Variants in LPA observed in about 807,000 individuals in gnomAD.
The protein encoded by LPA is apolipoprotein(a).
In LPA, 199 loss-of-function variants were observed where a neutral mutation model predicts 197.9. That is an observed-to-expected ratio of 1.01 (90% CI 0.90 to 1.13). The LOEUF is 1.13. Among genes scored for constraint, LPA ranks in the 50% most tolerant of loss-of-function variants. The pLI is 0.00. For missense variants in LPA, 1,853 were observed against 1,785.8 expected, an observed-to-expected ratio of 1.04 and a Z score of -0.68; for synonymous variants, 715 against 639.5, an observed-to-expected ratio of 1.12 and a Z score of -1.78.
intron 28 of LPA, among the ~76,000 whole-genome samples, chr6:160,566,338 A>C (rs1046906981): frequency 1.3e-5 from 2 of 152,222 alleles, no homozygotes; most frequent in Non-Finnish European, 2.9e-5. Flanking sequence ...GCCAATATTC[A>C]ACATTCTTAA....
chr6:160,646,671 C>T (rs1459832144), intron 2 of LPA, among the ~76,000 whole-genome samples: 3 of 130,598 alleles, frequency 2.3e-5, no homozygotes, highest in Non-Finnish European at 4.8e-5. Flanking sequence ...CACACGTGGC[C>T]GAAAAACGAT....
rs764852306 is a variant in LPA at position 160,586,682 on chromosome 6, C to A, written c.3948-52G>T. 1.9e-6 allele frequency: 3 copies of A among 1,611,018 alleles called. No homozygotes were observed. In the South Asian group the frequency reaches 3.3e-5, roughly 18 times the overall value. ...ACCAGAGATTGGAGAAGATACAGCA[C>A]CACCTGGCACCCTCTATGTTTTCTT... On this transcript the variant is annotated intron_variant, in intron 24 of 38. Transcript: ENST00000316300.
Position 160,587,041 on chromosome 6 carries a change from A to G in LPA, c.3948-411T>C, listed in dbSNP as rs41272098. On this transcript the variant is annotated intron_variant, in intron 24 of 38. Coordinates refer to ENST00000316300, the MANE Select transcript of LPA (RefSeq NM_005577.4). ...CTGTAAGTCTCTATAAAACTGCATGATCTATTCAGTGTTTGATTTGCTGAT... is the reference window on the plus strand; with the variant it reads ...CTGTAAGTCTCTATAAAACTGCATGGTCTATTCAGTGTTTGATTTGCTGAT... 6.9e-3 allele frequency among the ~76,000 whole-genome samples: 1,058 copies of G among 152,274 alleles called. 12 individuals carry two copies. The highest frequency in any genetic ancestry group is 0.024 in the African/African-American group (1,000 of 41,558).
Position 160,653,981 on chromosome 6 carries a change from A to T in LPA, c.50-3484T>A, listed in dbSNP as rs60720942. On this transcript the variant is annotated intron_variant, in intron 1 of 38. Transcript: ENST00000316300. ...ATAATATATATTATATATAATATAT[A>T]ATATATAATATATATTATATATAAT... is the stretch of plus-strand genomic sequence containing the variant. 1.3e-3 allele frequency among the ~76,000 whole-genome samples: 18 copies of T among 13,984 alleles called. 4 individuals carry two copies. Among genetic ancestry groups the T allele is most frequent in the East Asian group, 4.5e-3 (2 of 440 alleles). The allele number at this position is 13,984 out of a possible 152,430, so 9.2% of individuals were successfully genotyped here.
chr6:160,557,120 T>C (rs1778277102), intron 29 of LPA, among the ~76,000 whole-genome samples: 1 of 152,048 alleles, frequency 6.6e-6, no homozygotes, highest in Non-Finnish European at 1.5e-5. Context: ...ATGTTAGAAT[T>C]GGAATTTTGT....
chr6:160,563,525 GAGA>G (rs1778397160), intron 28 of LPA, among the ~76,000 whole-genome samples: 1 of 152,214 alleles, frequency 6.6e-6, no homozygotes, highest in Non-Finnish European at 1.5e-5. Context: ...ATGTGGTGCT[GAGA>G]AGAATGTATA....
At chr6:160,570,314 G>A (rs1026426706) in intron 28 of LPA, among the ~76,000 whole-genome samples, 1 of 152,152 alleles carries the variant, frequency 6.6e-6, no homozygotes, top group Non-Finnish European at 1.5e-5. Context: ...CATAAAGAAG[G>A]ATGACTTCAT....
At chr6:160,567,196 T>A (rs908788537) in intron 28 of LPA, among the ~76,000 whole-genome samples, 3 of 152,246 alleles carry the variant, frequency 2.0e-5, no homozygotes, top group African/African-American at 7.2e-5. Context: ...TATACATTCT[T>A]CTCAGCACCA....
intron 28 of LPA, among the ~76,000 whole-genome samples, chr6:160,559,381 C>T (rs1778324874): frequency 6.6e-6 from 1 of 152,112 alleles, no homozygotes; most frequent in Admixed American, 6.5e-5. Context: ...TCAAGTGTAC[C>T]AGTAGGTTGC....
intron 1 of LPA, among the ~76,000 whole-genome samples, chr6:160,662,464 G>A (rs1051250495): frequency 7.2e-5 from 11 of 152,142 alleles, no homozygotes; most frequent in Non-Finnish European, 1.0e-4. Context: ...AAGATAACAC[G>A]TCCACAGAAA....
At chr6:160,651,683 T>C (rs1445912567) in intron 1 of LPA, among the ~76,000 whole-genome samples, 1 of 152,120 alleles carries the variant, frequency 6.6e-6, no homozygotes, top group East Asian at 1.9e-4. Flanking sequence ...CACTGTTAAA[T>C]AATAAAGCAA....
chr6:160,560,903 AT>A (rs552819710), intron 28 of LPA, among the ~76,000 whole-genome samples: 1 of 150,732 alleles, frequency 6.6e-6, no homozygotes, highest in Non-Finnish European at 1.5e-5. Flanking sequence ...CTAGGGTTTG[AT>A]TTTTTGTTTT....
chr6:160,589,779 C>A (rs1468560237), intron 23 of LPA, 67 bp from the exon 24 acceptor site: 5 of 1,577,056 alleles, frequency 3.2e-6, no homozygotes, highest in Non-Finnish European at 4.4e-6. Context: ...GAAAAAAAAT[C>A]CATGATAGAA....
intron 22 of LPA, among the ~76,000 whole-genome samples, chr6:160,593,438 C>T (rs993817898): frequency 6.6e-6 from 1 of 152,196 alleles, no homozygotes; most frequent in Admixed American, 6.5e-5. Flanking sequence ...CAGCTGCCTT[C>T]CTACTTTTGC....
chr6:160,586,641 C>G lies in LPA; in HGVS notation c.3948-11G>C. The G allele has an allele frequency of 1.2e-6, 2 of 1,613,434 alleles. No individual in the cohort carries two copies. Among genetic ancestry groups the G allele is most frequent in the Non-Finnish European group, 1.7e-6 (2 of 1,179,712 alleles). The stretch of plus-strand genomic sequence containing the variant: ...TTCCTGGTCAGGCCACTGCAAATTC[C>G]AAAACAATACAGGTCACCAGAGATT... On this transcript the variant is annotated splice_polypyrimidine_tract_variant and intron_variant, in intron 24 of 38. Coordinates refer to ENST00000316300, the MANE Select transcript of LPA (RefSeq NM_005577.4).
rs1005291167 is a variant in LPA at position 160,560,177 on chromosome 6, T to C, written c.4632-2606A>G. 5.3e-5 allele frequency among the ~76,000 whole-genome samples: 8 copies of C among 152,236 alleles called. No homozygotes were observed. In the East Asian group the frequency reaches 1.3e-3, roughly 26 times the overall value. Reference sequence around the variant, plus strand: ...GTGTATATGTGCCACATTTTCTTTATCCAGTCTATCATTGATGGGCATTTC... The same window carrying C: ...GTGTATATGTGCCACATTTTCTTTACCCAGTCTATCATTGATGGGCATTTC... On this transcript the variant is annotated intron_variant, in intron 28 of 38. Transcript: ENST00000316300.
intron 26 of LPA, among the ~76,000 whole-genome samples, chr6:160,584,760 T>G (rs1180918321): frequency 6.6e-6 from 1 of 152,204 alleles, no homozygotes; most frequent in East Asian, 1.9e-4. Context: ...TGTGGAATGA[T>G]ACTTTGTCTC....
intron 32 of LPA, among the ~76,000 whole-genome samples, chr6:160,547,465 A>G (rs1778090489): frequency 6.6e-6 from 1 of 152,176 alleles, no homozygotes; most frequent in Admixed American, 6.5e-5. Context: ...TGTGCAGCCC[A>G]GTTCCTAACA....
chr6:160,584,591 C>G (rs183358074), intron 26 of LPA, among the ~76,000 whole-genome samples: 16 of 152,200 alleles, frequency 1.1e-4, no homozygotes, highest in Non-Finnish European at 1.9e-4. Context: ...CTTGTCCTCC[C>G]AAAGTGTTGG....
Sources: allele counts gnomAD v4.1 joint callset (sites outside exome capture counted in the v4.1 genomes callset), GRCh38; gene constraint gnomAD v4.1.1; transcripts MANE v1.5; gene names NCBI Gene and HGNC (gene_info 2026-07-23, HGNC 2026-07-21).